Variants in RYR2 observed in about 807,000 individuals in gnomAD.
RYR2 encodes the protein cardiac muscle ryanodine receptor-calcium release channel.
Under a neutral mutation model 601.1 loss-of-function variants are expected in RYR2, and 227 were observed. The observed-to-expected ratio is 0.38, with a 90% CI of 0.34 to 0.42. The LOEUF is 0.42. Ranked by LOEUF, RYR2 falls within the 10% of genes least tolerant of loss-of-function variation. RYR2 has a pLI of 1.00. For missense variants in RYR2, 4,646 were observed against 6,156.5 expected, an observed-to-expected ratio of 0.75 and a Z score of 8.21; for synonymous variants, 2,223 against 2,175.1, an observed-to-expected ratio of 1.02 and a Z score of -0.61.
At chr1:237,445,666 T>C in intron 14 of RYR2, 144 bp downstream of exon 14, 2 of 961,190 alleles carry the variant, frequency 2.1e-6, no homozygotes, top group Non-Finnish European at 1.5e-6. Context: ...TAGGAAGTGT[T>C]AATGAGATGA....
chr1:237,333,153 T>G (rs572085543), intron 3 of RYR2, among the ~76,000 whole-genome samples: 4 of 152,368 alleles, frequency 2.6e-5, no homozygotes, highest in South Asian at 2.1e-4. Flanking sequence ...AAGCGCAGTA[T>G]AGTTACCATA....
chr1:237,531,514 G>A (rs1486234426), intron 25 of RYR2, among the ~76,000 whole-genome samples: 2 of 152,164 alleles, frequency 1.3e-5, no homozygotes, highest in East Asian at 1.9e-4. Context: ...TAATAGCATC[G>A]AGATATAATC....
At chr1:237,196,430 T>A (rs895410152) in intron 1 of RYR2, among the ~76,000 whole-genome samples, 1 of 152,192 alleles carries the variant, frequency 6.6e-6, no homozygotes, top group African/African-American at 2.4e-5. Flanking sequence ...AATCTCTAAT[T>A]TAAAATTTTT....
intron 63 of RYR2, among the ~76,000 whole-genome samples, chr1:237,696,313 C>A (rs114035482): frequency 1.3e-5 from 2 of 152,136 alleles, no homozygotes; most frequent in Non-Finnish European, 2.9e-5. Context: ...GACTCATATA[C>A]GTTGCACTGG....
At chr1:237,594,888 T>TTTTTTTTTTGTTTTTTG (rs1675654445) in intron 33 of RYR2, among the ~76,000 whole-genome samples, 1 of 11,842 alleles carries the variant, frequency 8.4e-5, no homozygotes, top group East Asian at 9.9e-4. Flanking sequence ...ATCACTGGGT[T>TTTTTTTTTTGTTTTTTG]TTTTTTTTTT....
In RYR2 at chr1:237,504,344, G is replaced by A. The variant is rs942475266; in HGVS notation, c.2613+839G>A. On this transcript the variant is annotated intron_variant, in intron 22 of 104. Coordinates refer to ENST00000366574, the MANE Select transcript of RYR2 (RefSeq NM_001035.3). ...GTGAAGTTAAGAGCAATATTTTGCG[G>A]GCAGGGGTGGATCTCACAAAGTACA... is the stretch of plus-strand genomic sequence containing the variant. 1.3e-4 allele frequency among the ~76,000 whole-genome samples: 20 copies of A among 152,002 alleles called. No individual in the cohort carries two copies. The East Asian group carries it at 3.9e-3, about 30-fold the overall frequency.
chr1:237,637,853 C>A (rs1039902045), intron 44 of RYR2, among the ~76,000 whole-genome samples: 3 of 152,086 alleles, frequency 2.0e-5, no homozygotes, highest in Non-Finnish European at 4.4e-5. Flanking sequence ...CAGCTCTTGG[C>A]CCACCCAGAC....
intron 12 of RYR2, among the ~76,000 whole-genome samples, chr1:237,436,946 A>G (rs1707447117): frequency 6.6e-6 from 1 of 151,564 alleles, no homozygotes; most frequent in African/African-American, 2.4e-5. Context: ...GTATGGCTTC[A>G]TTATGAGTCA....
intron 1 of RYR2, among the ~76,000 whole-genome samples, chr1:237,168,237 C>T (rs114261803): frequency 6.6e-6 from 1 of 151,508 alleles, no homozygotes; most frequent in Non-Finnish European, 1.5e-5. Context: ...TCTTAGATTC[C>T]TGGGCATTAA....
At chr1:237,400,806 A>G (rs1190885217) in intron 10 of RYR2, among the ~76,000 whole-genome samples, 1 of 152,114 alleles carries the variant, frequency 6.6e-6, no homozygotes, top group Non-Finnish European at 1.5e-5. Context: ...TAGTCCCAAA[A>G]AGGAAGGAGA....
intron 84 of RYR2, among the ~76,000 whole-genome samples, chr1:237,766,572 T>A (rs76439267): frequency 7.9e-5 from 12 of 152,276 alleles, no homozygotes; most frequent in Non-Finnish European, 1.8e-4. Flanking sequence ...GGCAACATTG[T>A]GTGAGATAGG....
At chr1:237,127,366 C>T (rs1263122115) in intron 1 of RYR2, among the ~76,000 whole-genome samples, 2 of 150,916 alleles carry the variant, frequency 1.3e-5, no homozygotes, top group Non-Finnish European at 3.0e-5. Context: ...GGCGGCTGGG[C>T]AGAGGCGCCC....
At chr1:237,387,121 T>C (rs761040801) in intron 8 of RYR2, among the ~76,000 whole-genome samples, 160 bp from the exon 9 acceptor site, 1 of 152,238 alleles carries the variant, frequency 6.6e-6, no homozygotes, top group Admixed American at 6.5e-5. Flanking sequence ...GGAACTTCTT[T>C]TCTTCTGACT....
intron 2 of RYR2, among the ~76,000 whole-genome samples, chr1:237,302,912 G>C (rs1361479443): frequency 6.6e-6 from 1 of 152,046 alleles, no homozygotes; most frequent in African/African-American, 2.4e-5. Flanking sequence ...CTGTCATATT[G>C]CCCTTCAGAA....
chr1:237,760,623 T>G (rs6690602), intron 83 of RYR2, among the ~76,000 whole-genome samples: 58,547 of 151,886 alleles, frequency 0.39, 11,431 homozygotes, highest in Non-Finnish European at 0.44. Context: ...TGACACACAT[T>G]TAATGTAAGA....
chr1:237,066,099 T>C (rs774380542), intron 1 of RYR2, among the ~76,000 whole-genome samples: 59 of 152,208 alleles, frequency 3.9e-4, no homozygotes, highest in Non-Finnish European at 6.3e-4. Flanking sequence ...AATTGAATGA[T>C]ACAATAGGTG....
At position 237,502,455 on chromosome 1, in the gene RYR2, G is replaced by GTT. The variant is rs1235341223; in HGVS notation, c.2397-833_2397-832insTT. ...CTTTTTGGCCTTAGGCACCGCTTTTGTGGAAGACAATTTTTCTACGGGCCA... is the reference window on the plus strand; with the variant it reads ...CTTTTTGGCCTTAGGCACCGCTTTTGTTTGGAAGACAATTTTTCTACGGGCCA... On this transcript the variant is annotated intron_variant, in intron 21 of 104. Transcript: ENST00000366574. Among the ~76,000 whole-genome samples the GTT allele has an allele frequency of 5.9e-3, 896 of 152,282 alleles. 10 individuals carry two copies. The highest frequency in any genetic ancestry group is 0.01 in the Middle Eastern group (3 of 294).
At chr1:237,567,969 G>T (rs1297627033) in intron 28 of RYR2, among the ~76,000 whole-genome samples, 1 of 150,604 alleles carries the variant, frequency 6.6e-6, no homozygotes, top group Non-Finnish European at 1.5e-5. Flanking sequence ...TTTTTTGGGG[G>T]GTTGGGGGGC....
chr1:237,676,042 T>G (rs1258019731), intron 60 of RYR2, among the ~76,000 whole-genome samples: 1 of 152,144 alleles, frequency 6.6e-6, no homozygotes, highest in Non-Finnish European at 1.5e-5. Context: ...TTAATGAAAT[T>G]TAACCGAAGA....
Sources: allele counts gnomAD v4.1 joint callset (sites outside exome capture counted in the v4.1 genomes callset), GRCh38; gene constraint gnomAD v4.1.1; transcripts MANE v1.5; gene names NCBI Gene and HGNC (gene_info 2026-07-23, HGNC 2026-07-21).